The following WDPCP variants were observed in gnomAD, a reference collection of about 807,000 sequenced individuals.
WDPCP encodes WD repeat-containing and planar cell polarity effector protein fritz homolog.
Under a neutral mutation model 93.1 loss-of-function variants are expected in WDPCP, and 71 were observed. The observed-to-expected ratio is 0.76, with a 90% CI of 0.63 to 0.93. The LOEUF (loss-of-function observed/expected upper bound fraction) is 0.93. Among genes scored for constraint, WDPCP ranks in the 40% least tolerant of loss-of-function variants. WDPCP has a pLI of 0.00. For synonymous variants in WDPCP, 315 were observed against 315.0 expected (o/e 1.00, Z 0.00); for missense variants, 844 against 887.4 (o/e 0.95, Z 0.62).
chr2:63,811,472 A>G lies in WDPCP; in HGVS notation n.308+2150T>C, dbSNP rs1024086049. ...AGGGCATCCTCCAGCCAATAGCCAG[A>G]AAGAAGCTGGGGCTCTCAGCCTTAC... On this transcript the variant is annotated intron_variant and non_coding_transcript_variant, in intron 2 of 4. Transcript: ENST00000467687. Among the ~76,000 whole-genome samples, 23 of 152,306 alleles carry G rather than the reference A, an allele frequency of 1.5e-4. 1 individual carries two copies. Among genetic ancestry groups the G allele is most frequent in the African/African-American group, 5.5e-4 (23 of 41,560 alleles).
chr2:63,501,404 A>C (rs1196496801), intron 1 of WDPCP, among the ~76,000 whole-genome samples: 1 of 152,100 alleles, frequency 6.6e-6, no homozygotes, highest in Non-Finnish European at 1.5e-5. Context: ...TCTCTACAAA[A>C]AATAAATAAA....
intron 1 of WDPCP, among the ~76,000 whole-genome samples, chr2:63,528,265 G>A (rs910425097): frequency 6.6e-6 from 1 of 152,082 alleles, no homozygotes; most frequent in Non-Finnish European, 1.5e-5. Flanking sequence ...CATTGCTTTT[G>A]GTGTTTTAGA....
At chr2:63,545,719 G>C (rs747682163) in intron 1 of WDPCP, among the ~76,000 whole-genome samples, 35 of 151,908 alleles carry the variant, frequency 2.3e-4, no homozygotes, top group Non-Finnish European at 4.6e-4. Flanking sequence ...ACATTCAAGT[G>C]TTCATGGACC....
intron 14 of WDPCP, among the ~76,000 whole-genome samples, chr2:63,211,030 G>A (rs965548792): frequency 6.6e-6 from 1 of 152,210 alleles, no homozygotes; most frequent in Non-Finnish European, 1.5e-5. Context: ...CTTCTGGGGG[G>A]CAGGGCATAG....
intron 9 of WDPCP, among the ~76,000 whole-genome samples, chr2:63,411,708 C>T (rs770039305): frequency 6.6e-6 from 1 of 152,022 alleles, no homozygotes; most frequent in Non-Finnish European, 1.5e-5. Flanking sequence ...TTACAACTGA[C>T]ACCACTGAAA....
chr2:63,140,441 T>C (rs1370626706), intron 17 of WDPCP, among the ~76,000 whole-genome samples: 1 of 152,220 alleles, frequency 6.6e-6, no homozygotes, highest in Non-Finnish European at 1.5e-5. Flanking sequence ...TACCCATTCA[T>C]GAGCATGGGA....
At chr2:63,278,885 C>G (rs1683287815) in intron 13 of WDPCP, among the ~76,000 whole-genome samples, 1 of 152,034 alleles carries the variant, frequency 6.6e-6, no homozygotes, top group Non-Finnish European at 1.5e-5. Flanking sequence ...ACTAGAAAAC[C>G]TAGAGGAGAT....
At chr2:63,573,935 G>T (rs759289707) in intron 1 of WDPCP, among the ~76,000 whole-genome samples, 4 of 152,096 alleles carry the variant, frequency 2.6e-5, no homozygotes, top group Non-Finnish European at 4.4e-5. Flanking sequence ...CCAGTCTCCC[G>T]TAGCACTCCC....
intron 2 of WDPCP, among the ~76,000 whole-genome samples, chr2:63,709,373 C>A (rs1669225501): frequency 6.6e-6 from 1 of 152,066 alleles, no homozygotes; most frequent in Non-Finnish European, 1.5e-5. Context: ...CCCTCAGTCC[C>A]ATCCCCTTCA....
At chr2:63,329,269 G>T (rs1687799063) in intron 12 of WDPCP, among the ~76,000 whole-genome samples, 1 of 152,118 alleles carries the variant, frequency 6.6e-6, no homozygotes, top group Non-Finnish European at 1.5e-5. Context: ...TTTCTCATAT[G>T]AGTGGAATAA....
chr2:63,609,632 G>T (rs1709594339), intron 3 of WDPCP, among the ~76,000 whole-genome samples: 2 of 152,196 alleles, frequency 1.3e-5, no homozygotes. Context: ...ACTCATGCGT[G>T]TAATCCCAAC....
At chr2:63,658,216 T>A (rs1159873660) in intron 2 of WDPCP, among the ~76,000 whole-genome samples, 1 of 152,246 alleles carries the variant, frequency 6.6e-6, no homozygotes, top group Non-Finnish European at 1.5e-5. Context: ...GTGTGTTTTA[T>A]ATGGCTTGAA....
At chr2:63,515,791 AG>A (rs1702512670) in intron 1 of WDPCP, among the ~76,000 whole-genome samples, 1 of 152,144 alleles carries the variant, frequency 6.6e-6, no homozygotes, top group Non-Finnish European at 1.5e-5. Flanking sequence ...AGGCCGAGGC[AG>A]GCAGATCACT....
chr2:63,743,237 G>A (rs189800402), intron 2 of WDPCP, among the ~76,000 whole-genome samples: 29 of 152,140 alleles, frequency 1.9e-4, no homozygotes, highest in Admixed American at 5.9e-4. Flanking sequence ...TGATAAGGTG[G>A]TATGTGCAGC....
At chr2:63,327,640 G>A (rs1036898369) in intron 12 of WDPCP, among the ~76,000 whole-genome samples, 3 of 152,106 alleles carry the variant, frequency 2.0e-5, no homozygotes, top group Non-Finnish European at 2.9e-5. Flanking sequence ...GATATCGCCC[G>A]GCATTTACAG....
chr2:63,600,290 T>G (rs1358588765), intron 3 of WDPCP, among the ~76,000 whole-genome samples: 4 of 152,216 alleles, frequency 2.6e-5, no homozygotes, highest in African/African-American at 7.2e-5. Context: ...TTAATTTTTA[T>G]AGTAACCATA....
In WDPCP at chr2:63,744,545, ACGTCT is replaced by A. The variant is rs541681403; in HGVS notation, n.308+69072_308+69076del. Among the ~76,000 whole-genome samples the A allele has an allele frequency of 1.4e-4, 21 of 152,272 alleles. No individual in the cohort carries two copies. In the South Asian group the frequency reaches 3.7e-3, roughly 27 times the overall value. ...CAGAACTCAGACTCTCTGGAAAACA[ACGTCT>A]CTCATATACTGTAGTAAATCACTAA... is the stretch of plus-strand genomic sequence containing the variant. On this transcript the variant is annotated intron_variant and non_coding_transcript_variant, in intron 2 of 4. Coordinates refer to the WDPCP transcript ENST00000467687.
chr2:63,336,415 A>G (rs1005742606), intron 12 of WDPCP, among the ~76,000 whole-genome samples: 3 of 152,188 alleles, frequency 2.0e-5, no homozygotes, highest in African/African-American at 7.2e-5. Flanking sequence ...GGTGAAAGCG[A>G]ACATCCTTAT....
chr2:63,251,099 G>A (rs1680675615), intron 14 of WDPCP, among the ~76,000 whole-genome samples: 1 of 152,116 alleles, frequency 6.6e-6, no homozygotes, highest in African/African-American at 2.4e-5. Flanking sequence ...AAAGATAGCA[G>A]AAGAAATGAA....
Sources: gnomAD v4.1 joint callset for allele counts (sites outside exome capture counted in the v4.1 genomes callset) on GRCh38, gnomAD v4.1.1 for gene constraint, MANE v1.5 for transcripts, NCBI Gene and HGNC (gene_info 2026-07-23, HGNC 2026-07-21) for gene names.